SNX3: variants seen among roughly 807,000 people sequenced by gnomAD.
SNX3 encodes the protein sorting nexin-3.
In SNX3, 5 loss-of-function variants were observed where a neutral mutation model predicts 17.7. The ratio of observed to expected loss-of-function variants is 0.28; its 90% CI spans 0.15 to 0.59. The LOEUF (loss-of-function observed/expected upper bound fraction) is 0.59, where lower values mean the gene tolerates loss of function less well. Among genes scored for constraint, SNX3 ranks in the 20% least tolerant of loss-of-function variants. The pLI, the probability that SNX3 is intolerant of heterozygous loss-of-function variation, is 0.88. For missense variants in SNX3, 132 were observed against 206.8 expected, an observed-to-expected ratio of 0.64 and a Z score of 2.22; for synonymous variants, 91 against 76.5, an observed-to-expected ratio of 1.19 and a Z score of -0.99.
chr6:108,228,496 A>C (rs1156583255), intron 1 of SNX3, among the ~76,000 whole-genome samples: 1 of 152,072 alleles, frequency 6.6e-6, no homozygotes, highest in Non-Finnish European at 1.5e-5. Context: ...CAGTGAACCA[A>C]GATTGCGCCA....
intron 1 of SNX3, among the ~76,000 whole-genome samples, chr6:108,253,124 G>T (rs1256476206): frequency 1.3e-5 from 2 of 152,186 alleles, no homozygotes; most frequent in Non-Finnish European, 2.9e-5. Flanking sequence ...TAAGCATGAT[G>T]ATAAAGGTGA....
At chr6:108,243,989 A>G (rs1452244481) in intron 1 of SNX3, among the ~76,000 whole-genome samples, 2 of 152,218 alleles carry the variant, frequency 1.3e-5, no homozygotes, top group Non-Finnish European at 1.5e-5. Context: ...GCAAATACTC[A>G]TAAGAAAACT....
At chr6:108,237,584 G>A (rs1417274809) in intron 1 of SNX3, among the ~76,000 whole-genome samples, 1 of 152,138 alleles carries the variant, frequency 6.6e-6, no homozygotes, top group Non-Finnish European at 1.5e-5. Flanking sequence ...AAAGTCAAGA[G>A]CTCGAGACCA....
chr6:108,236,814 C>A (rs981446450), intron 1 of SNX3, among the ~76,000 whole-genome samples: 7 of 152,132 alleles, frequency 4.6e-5, no homozygotes, highest in Non-Finnish European at 7.4e-5. Flanking sequence ...ATGAGTGATA[C>A]ATATATTAAT....
intron 1 of SNX3, among the ~76,000 whole-genome samples, chr6:108,251,379 A>C (rs1177417241): frequency 6.6e-6 from 1 of 152,224 alleles, no homozygotes; most frequent in Non-Finnish European, 1.5e-5. Context: ...ACCATTTGTT[A>C]ATGTGGCAAA....
intron 1 of SNX3, among the ~76,000 whole-genome samples, chr6:108,244,222 C>A (rs1775614643): frequency 6.6e-6 from 1 of 152,052 alleles, no homozygotes; most frequent in South Asian, 2.1e-4. Flanking sequence ...GCAGTGCAAT[C>A]CTGGCCTACT....
At chr6:108,242,287 T>C (rs1775544986) in intron 1 of SNX3, among the ~76,000 whole-genome samples, 2 of 152,098 alleles carry the variant, frequency 1.3e-5, no homozygotes. Flanking sequence ...CTTAAAAAAA[T>C]TTGACTAAAC....
intron 1 of SNX3, among the ~76,000 whole-genome samples, chr6:108,260,442 G>A (rs1375607540): frequency 1.3e-5 from 2 of 152,006 alleles, no homozygotes; most frequent in Non-Finnish European, 2.9e-5. Flanking sequence ...CCAGCGAAGG[G>A]ATGTGTTCTC....
chr6:108,239,002 G>A (rs1323244689), intron 1 of SNX3, among the ~76,000 whole-genome samples: 1 of 151,628 alleles, frequency 6.6e-6, no homozygotes, highest in African/African-American at 2.4e-5. Flanking sequence ...CTAGGTTCAA[G>A]CGATTTTCCT....
intron 1 of SNX3, among the ~76,000 whole-genome samples, chr6:108,243,831 G>A (rs556189254): frequency 4.6e-5 from 7 of 152,184 alleles, no homozygotes; most frequent in Non-Finnish European, 7.4e-5. Context: ...TACTTGGAAG[G>A]CTGAGGCACA....
intron 1 of SNX3, among the ~76,000 whole-genome samples, chr6:108,235,677 C>T (rs1056569602): frequency 3.3e-5 from 5 of 152,164 alleles, no homozygotes; most frequent in African/African-American, 1.2e-4. Flanking sequence ...GGGTGAATCA[C>T]TTGAGGTCAG....
At chr6:108,222,013 T>C (rs1199677981) in intron 2 of SNX3, among the ~76,000 whole-genome samples, 1 of 152,146 alleles carries the variant, frequency 6.6e-6, no homozygotes, top group Non-Finnish European at 1.5e-5. Context: ...TGACTCGGCC[T>C]ACCAAAGTAC....
intron 2 of SNX3, among the ~76,000 whole-genome samples, chr6:108,217,730 G>A (rs1035676316): frequency 2.1e-5 from 3 of 145,954 alleles, no homozygotes; most frequent in Admixed American, 1.4e-4. Flanking sequence ...CAGCCTGGGC[G>A]AGAGCTAGAC....
Position 108,228,507 on chromosome 6 carries a change from C to T in SNX3, c.163-5462G>A, listed in dbSNP as rs1459019280. Among the ~76,000 whole-genome samples, 8 of 151,860 alleles carry T rather than the reference C, an allele frequency of 5.3e-5. No individual in the cohort carries two copies. In the East Asian group the frequency reaches 1.6e-3, roughly 29 times the overall value. ...ACTGCAGTGAACCAAGATTGCGCCACTGCACTCCAGCCTGGGCAACAAGAG... is the reference window on the plus strand; with the variant it reads ...ACTGCAGTGAACCAAGATTGCGCCATTGCACTCCAGCCTGGGCAACAAGAG... On this transcript the variant is annotated intron_variant, in intron 1 of 3. Transcript: ENST00000230085.
At chr6:108,236,382 T>TATTG (rs1480883371) in intron 1 of SNX3, among the ~76,000 whole-genome samples, 2 of 137,690 alleles carry the variant, frequency 1.5e-5, no homozygotes, top group Non-Finnish European at 3.1e-5. Flanking sequence ...ATTATTATTT[T>TATTG]TTTTTTTTTT....
At chr6:108,225,579 C>T (rs1210659506) in intron 1 of SNX3, among the ~76,000 whole-genome samples, 3 of 151,642 alleles carry the variant, frequency 2.0e-5, no homozygotes, top group African/African-American at 7.3e-5. Flanking sequence ...GGCAGTGAGC[C>T]GAAGATCGCT....
chr6:108,247,616 A>C (rs1291357080), intron 1 of SNX3, among the ~76,000 whole-genome samples: 1 of 152,038 alleles, frequency 6.6e-6, no homozygotes. Flanking sequence ...ACCTGGGCTC[A>C]AGTGATCTTC....
At chr6:108,239,317 T>C (rs1320667623) in intron 1 of SNX3, among the ~76,000 whole-genome samples, 1 of 152,080 alleles carries the variant, frequency 6.6e-6, no homozygotes, top group Non-Finnish European at 1.5e-5. Flanking sequence ...CCAAATTACT[T>C]TCCTTCTCTA....
At chr6:108,245,176 G>A (rs532697984) in intron 1 of SNX3, among the ~76,000 whole-genome samples, 39 of 151,792 alleles carry the variant, frequency 2.6e-4, no homozygotes, top group African/African-American at 8.9e-4. Flanking sequence ...TGATCTCATT[G>A]TTCAACTCCC....
Sources: gnomAD v4.1 joint callset for allele counts (sites outside exome capture counted in the v4.1 genomes callset) on GRCh38, gnomAD v4.1.1 for gene constraint, MANE v1.5 for transcripts, NCBI Gene and HGNC (gene_info 2026-07-23, HGNC 2026-07-21) for gene names.